ZNF710: variants seen among roughly 807,000 people sequenced by gnomAD.
ZNF710 encodes the protein zinc finger protein 710.
ZNF710 carries 13 observed loss-of-function variants against 50.6 expected under a neutral mutation model. The observed-to-expected ratio is 0.26, with a 90% CI of 0.17 to 0.41. The LOEUF (loss-of-function observed/expected upper bound fraction) is 0.41, where lower values mean the gene tolerates loss of function less well. ZNF710 is among the 10% of genes least tolerant of loss of function. The pLI is 1.00. For missense variants in ZNF710, 721 were observed against 936.6 expected (o/e 0.77, Z 3.01); for synonymous variants, 383 against 397.0 (o/e 0.96, Z 0.42).
intron 2 of ZNF710, 102 bp from the exon 3 acceptor site, chr15:90,072,969 T>A: frequency 8.1e-7 from 1 of 1,234,298 alleles, no homozygotes; most frequent in Non-Finnish European, 1.1e-6. Flanking sequence ...AAAGTGTGCC[T>A]TTGTGATGCT....
chr15:90,002,542 C>T (rs1898041031), intron 1 of ZNF710: 1 of 152,296 alleles, frequency 6.6e-6, no homozygotes. Flanking sequence ...TCGGGGCCCT[C>T]AGGCTACCAG....
chr15:90,042,135 G>C (rs1279768519), intron 1 of ZNF710, among the ~76,000 whole-genome samples: 3 of 151,986 alleles, frequency 2.0e-5, no homozygotes, highest in African/African-American at 7.2e-5. Context: ...GACCTCAGGT[G>C]ATCCACCCGC....
At position 90,026,267 on chromosome 15, in the gene ZNF710, AAC is replaced by A. The variant is rs796780298; in HGVS notation, c.-29+24655_-29+24656del. ...AAAAAAACAAAACAACAACAACAAC[AAC>A]AAAAAAAAAAAAGGGAATGAGAAAG... is the stretch of plus-strand genomic sequence containing the variant. On this transcript the variant is annotated intron_variant, in intron 1 of 4. Transcript: ENST00000268154. Among the ~76,000 whole-genome samples the A allele has an allele frequency of 5.5e-3, 701 of 127,776 alleles. 11 individuals are homozygous for A. The highest frequency in any genetic ancestry group is 0.02 in the African/African-American group (608 of 30,334). The allele number at this position is 127,776 out of a possible 152,430, so 83.8% of individuals were successfully genotyped here. A position where few individuals can be genotyped will look rare whatever the true frequency, so the allele number is the denominator to read the frequency against.
chr15:90,042,001 G>T (rs1899311079), intron 1 of ZNF710, among the ~76,000 whole-genome samples: 1 of 149,706 alleles, frequency 6.7e-6, no homozygotes, highest in Non-Finnish European at 1.5e-5. Flanking sequence ...GGGTTCAAGT[G>T]ATTCTCCTGC....
At chr15:90,019,844 C>T (rs957584379) in intron 1 of ZNF710, among the ~76,000 whole-genome samples, 6 of 152,218 alleles carry the variant, frequency 3.9e-5, no homozygotes, top group African/African-American at 9.6e-5. Flanking sequence ...AGAGAGCTGG[C>T]TTTGAGGATT....
At chr15:90,069,611 A>G (rs1414701826) in intron 2 of ZNF710, among the ~76,000 whole-genome samples, 1 of 152,176 alleles carries the variant, frequency 6.6e-6, no homozygotes, top group Non-Finnish European at 1.5e-5. Flanking sequence ...AAAGCAAATC[A>G]AAACCTGTGA....
rs139747176 is a variant in ZNF710, at chr15:90,057,574, G to A, written c.-28-9536G>A. On this transcript the variant is annotated intron_variant, in intron 1 of 4. Transcript: ENST00000268154. The stretch of plus-strand genomic sequence containing the variant: ...GAGCCAGGCGTGGTGGCGCGCTCCT[G>A]TAGTCCCAGCTACTCGGGTGGCTGA... 8.7e-3 allele frequency among the ~76,000 whole-genome samples: 1,325 copies of A among 152,066 alleles called. 24 individuals carry two copies. Among genetic ancestry groups the A allele is most frequent in the African/African-American group, 0.031 (1,268 of 41,454 alleles).
intron 1 of ZNF710, among the ~76,000 whole-genome samples, chr15:90,014,639 A>T (rs181957222): frequency 1.7e-3 from 264 of 152,256 alleles, no homozygotes; most frequent in Non-Finnish European, 2.8e-3. Flanking sequence ...AAATATTTTT[A>T]AAAATGAACT....
rs1181312280 is a variant in ZNF710 at position 90,030,345 on chromosome 15, A to G, written c.-29+28731A>G. ...ACTCCATCTCAAAAAAAAAAAAAAA[A>G]AAAAAAAAGAAAGAATTAGCTATCA... On this transcript the variant is annotated intron_variant, in intron 1 of 4. Transcript: ENST00000268154. 1.2e-4 allele frequency among the ~76,000 whole-genome samples: 18 copies of G among 151,092 alleles called. No homozygotes were observed. In the East Asian group the frequency reaches 2.1e-3, roughly 18 times the overall value.
At chr15:90,001,997 G>GAGAGAGAGAGAGAGAGAGA (rs1898025235) in intron 1 of ZNF710, among the ~76,000 whole-genome samples, 1 of 145,868 alleles carries the variant, frequency 6.9e-6, no homozygotes, top group African/African-American at 2.6e-5. Flanking sequence ...GAGAGAGAGA[G>GAGAGAGAGAGAGAGAGAGA]GCAAAAATGA....
At position 90,040,992 on chromosome 15, in the gene ZNF710, G is replaced by A. The variant is rs1430312441; in HGVS notation, c.-28-26118G>A. Reference sequence around the variant, plus strand: ...ACTGCTAAACATGGCACTGAACTACGATTACTTCTTTAAAACAAGAGTTCA... The same window carrying A: ...ACTGCTAAACATGGCACTGAACTACAATTACTTCTTTAAAACAAGAGTTCA... On this transcript the variant is annotated intron_variant, in intron 1 of 4. Transcript: ENST00000268154. This position sits in a 1 kb window ranked among gnomAD's most constrained non-coding sequence, Gnocchi z 4.6. 1.3e-5 allele frequency among the ~76,000 whole-genome samples: 2 copies of A among 152,136 alleles called. No homozygotes were observed. Among genetic ancestry groups the A allele is most frequent in the African/African-American group, 2.4e-5 (1 of 41,412 alleles).
intron 1 of ZNF710, among the ~76,000 whole-genome samples, chr15:90,006,137 G>A (rs1307173005): frequency 6.6e-6 from 1 of 152,084 alleles, no homozygotes. Flanking sequence ...GGTTCACCCA[G>A]TGAGGCCTAT....
chr15:90,031,161 C>A (rs1036430861), intron 1 of ZNF710, among the ~76,000 whole-genome samples: 10 of 152,016 alleles, frequency 6.6e-5, no homozygotes, highest in Non-Finnish European at 1.5e-5. Flanking sequence ...AGGTTGTGGA[C>A]CCGACAGTTG....
intron 1 of ZNF710, among the ~76,000 whole-genome samples, chr15:90,052,729 G>A (rs1467991187): frequency 5.3e-5 from 8 of 152,154 alleles, no homozygotes; most frequent in African/African-American, 1.7e-4. Flanking sequence ...TCAGGAGTTC[G>A]AGACCAGCCT....
intron 1 of ZNF710, among the ~76,000 whole-genome samples, chr15:90,004,026 TTGTCTTCTCA>T (rs374613531): frequency 1.6e-4 from 24 of 152,300 alleles, no homozygotes; most frequent in African/African-American, 5.5e-4. Flanking sequence ...GCTCACTTGC[TTGTCTTCTCA>T]GAGCTGATAC....
intron 2 of ZNF710, 57 bp from the exon 3 acceptor site, chr15:90,073,004 CCACAAAGGGT>C: frequency 6.5e-7 from 1 of 1,545,380 alleles, no homozygotes; most frequent in Non-Finnish European, 8.8e-7. Flanking sequence ...ACCCGGCTCC[CCACAAAGGGT>C]CACTGCCAGA....
chr15:90,079,935 A>C lies in ZNF710; in HGVS notation c.*106A>C. The C allele has an allele frequency of 8.8e-7, 1 of 1,139,626 alleles. No individual in the cohort carries two copies. The highest frequency in any genetic ancestry group is 1.2e-6 in the Non-Finnish European group (1 of 834,940). The allele number at this position is 1,139,626 out of a possible 1,614,324, so 70.6% of individuals were successfully genotyped here. On this transcript the variant is annotated 3_prime_UTR_variant, in exon 5 of 5. Coordinates refer to ENST00000268154, the MANE Select transcript of ZNF710 (RefSeq NM_198526.4). The stretch of plus-strand genomic sequence containing the variant: ...CAGCCGAGAAACAAGCTACTGCCCC[A>C]CTGTTCTGAGCCCTCCCTCCCCGAG...
At chr15:90,009,202 C>G (rs1185314617) in intron 1 of ZNF710, among the ~76,000 whole-genome samples, 1 of 151,976 alleles carries the variant, frequency 6.6e-6, no homozygotes, top group Non-Finnish European at 1.5e-5. Flanking sequence ...GAAGACTGTC[C>G]TGCATGTGTT....
At chr15:90,014,776 C>T (rs1490695041) in intron 1 of ZNF710, among the ~76,000 whole-genome samples, 1 of 152,054 alleles carries the variant, frequency 6.6e-6, no homozygotes, top group African/African-American at 2.4e-5. Flanking sequence ...AAAGGAGTCT[C>T]CCAGTTCTCA....
Sources: gnomAD v4.1 joint callset for allele counts (sites outside exome capture counted in the v4.1 genomes callset) on GRCh38, gnomAD v4.1.1 for gene constraint, Gnocchi (gnomAD v3.1) non-coding constraint, MANE v1.5 for transcripts, NCBI Gene and HGNC (gene_info 2026-07-23, HGNC 2026-07-21) for gene names.